SCMH1: variants seen among roughly 807,000 people sequenced by gnomAD.
SCMH1 encodes the protein Scm polycomb group protein homolog 1.
SCMH1 carries 37 observed loss-of-function variants against 70.8 expected under a neutral mutation model. The observed-to-expected ratio is 0.52, with a 90% CI of 0.40 to 0.69. SCMH1 has a LOEUF of 0.69. SCMH1 is among the 30% of genes least tolerant of loss of function. SCMH1 has a pLI of 0.00. For synonymous variants in SCMH1, 292 were observed against 307.4 expected (o/e 0.95, Z 0.52); for missense variants, 607 against 827.3 (o/e 0.73, Z 3.27).
chr1:41,186,496 C>G (rs1490665714), intron 1 of SCMH1, among the ~76,000 whole-genome samples: 1 of 152,104 alleles, frequency 6.6e-6, no homozygotes, highest in Non-Finnish European at 1.5e-5. Context: ...TGGTCCCATT[C>G]AAATACTAAA....
chr1:41,134,352 C>G lies in SCMH1; in HGVS notation c.412+8526G>C, dbSNP rs911913546. ...ATACTGAATGGGCAAAAACTGGAAG[C>G]ATTCCCTTTCAAAACTGGCACAAGA... is the stretch of plus-strand genomic sequence containing the variant. On this transcript the variant is annotated intron_variant, in intron 6 of 14. Coordinates refer to ENST00000337495, the Ensembl canonical transcript of SCMH1. 5.3e-5 allele frequency among the ~76,000 whole-genome samples: 8 copies of G among 152,192 alleles called. No individual in the cohort carries two copies. The East Asian group carries it at 5.8e-4, about 11-fold the overall frequency.
At chr1:41,175,224 T>C (rs1432529212) in intron 2 of SCMH1, among the ~76,000 whole-genome samples, 2 of 152,202 alleles carry the variant, frequency 1.3e-5, no homozygotes, top group East Asian at 1.9e-4. Flanking sequence ...AGGGTCCAAA[T>C]AGCACAAAAA....
intron 13 of SCMH1, among the ~76,000 whole-genome samples, chr1:41,033,761 G>A (rs1027514596): frequency 2.0e-5 from 3 of 152,178 alleles, no homozygotes; most frequent in African/African-American, 7.2e-5. Flanking sequence ...AGGGCCAGCC[G>A]AATGAATCTT....
intron 2 of SCMH1, among the ~76,000 whole-genome samples, chr1:41,182,676 A>T (rs1174383728): frequency 6.6e-6 from 1 of 152,128 alleles, no homozygotes; most frequent in Non-Finnish European, 1.5e-5. Context: ...ACGTCATTGC[A>T]CTCCAGCCTG....
chr1:41,064,824 A>C (rs1165158239), intron 10 of SCMH1, among the ~76,000 whole-genome samples: 1 of 152,094 alleles, frequency 6.6e-6, no homozygotes, highest in African/African-American at 2.4e-5. Flanking sequence ...TTGAGGCAGG[A>C]AGATCGCTTC....
At chr1:41,046,698 G>T in intron 11 of SCMH1, 100 bp from the exon 12 acceptor site, 1 of 903,356 alleles carries the variant, frequency 1.1e-6, no homozygotes, top group South Asian at 1.5e-5. Flanking sequence ...GGCTTACCTG[G>T]TTACACAAAG....
chr1:41,070,290 A>G (rs943752978), intron 10 of SCMH1, among the ~76,000 whole-genome samples: 2 of 151,950 alleles, frequency 1.3e-5, no homozygotes, highest in Admixed American at 6.6e-5. Context: ...TGCTGGGAGG[A>G]TTCTGGAAGG....
chr1:41,033,228 A>G (rs192046086), intron 13 of SCMH1, among the ~76,000 whole-genome samples: 2 of 151,814 alleles, frequency 1.3e-5, no homozygotes, highest in African/African-American at 2.4e-5. Flanking sequence ...TGAGGTTGCA[A>G]TGAGCCATGA....
chr1:41,113,504 T>C lies in SCMH1; in HGVS notation c.524A>G (p.Asn175Ser). 1 of 1,613,822 alleles carries C rather than the reference T, an allele frequency of 6.2e-7. No individual in the cohort carries two copies. Among genetic ancestry groups the C allele is most frequent in the Non-Finnish European group, 8.5e-7 (1 of 1,179,870 alleles). ...TAGCTTCATTCCCATTTTGAAGAAG[T>C]TGTGGGAAGGCGATGGTGGCTCCTA... Residue 175 changes from asparagine to serine, a missense_variant, in exon 8 of 15, where the codon AAC (asparagine) becomes AGC (serine). Asn to Ser is a conservative substitution (Grantham distance 46, BLOSUM62 1). Around this residue, in one of 3 missense-constraint regions of SCMH1, gnomAD observed 105 missense variants for 214.5 expected, o/e 0.49. Coordinates refer to ENST00000337495, the Ensembl canonical transcript of SCMH1. This position sits in a 1 kb window ranked among gnomAD's most constrained non-coding sequence, Gnocchi z 4.3.
At chr1:41,183,498 G>C (rs1649373982) in intron 2 of SCMH1, among the ~76,000 whole-genome samples, 1 of 151,960 alleles carries the variant, frequency 6.6e-6, no homozygotes, top group Non-Finnish European at 1.5e-5. Context: ...ATTCCTCACA[G>C]TCCAGGACAA....
At chr1:41,192,984 A>G (rs1054790596) in intron 1 of SCMH1, among the ~76,000 whole-genome samples, 2 of 152,212 alleles carry the variant, frequency 1.3e-5, no homozygotes, top group Admixed American at 6.5e-5. Flanking sequence ...TTATCATAGC[A>G]TTAAGGCAGA....
chr1:41,146,217 G>GT (rs1644547309), intron 5 of SCMH1, among the ~76,000 whole-genome samples: 2 of 148,454 alleles, frequency 1.3e-5, no homozygotes, highest in African/African-American at 5.0e-5. Context: ...AGTTTAAAAG[G>GT]TAAAAAAAAA....
Position 41,161,350 on chromosome 1 carries a change from T to A in SCMH1, c.82+14A>T, listed in dbSNP as rs1171933695. 1 of 1,546,448 alleles carries A rather than the reference T, an allele frequency of 6.5e-7. No individual in the cohort carries two copies. Among genetic ancestry groups the A allele is most frequent in the African/African-American group, 1.4e-5 (1 of 72,666 alleles). ...AAAATTTTTCCACACCAAACGGAGT[T>A]TTTTCCCCCTTACCTTGATATTGGG... On this transcript the variant is annotated intron_variant, in intron 3 of 14. Coordinates refer to ENST00000337495, the Ensembl canonical transcript of SCMH1.
At chr1:41,154,151 A>G (rs975374480) in intron 4 of SCMH1, among the ~76,000 whole-genome samples, 1 of 152,218 alleles carries the variant, frequency 6.6e-6, no homozygotes, top group African/African-American at 2.4e-5. Flanking sequence ...GGTATAAATC[A>G]TTGACTCTCA....
intron 2 of SCMH1, among the ~76,000 whole-genome samples, chr1:41,178,074 G>C (rs1647506090): frequency 6.6e-6 from 1 of 152,172 alleles, no homozygotes; most frequent in Non-Finnish European, 1.5e-5. Context: ...AGAGAGCAGG[G>C]ACCAATATTC....
intron 12 of SCMH1, among the ~76,000 whole-genome samples, chr1:41,045,305 C>T (rs1369469264): frequency 1.3e-5 from 2 of 152,130 alleles, no homozygotes; most frequent in Non-Finnish European, 2.9e-5. Context: ...GAAATGGCTG[C>T]AGGGATCAGA....
intron 1 of SCMH1, among the ~76,000 whole-genome samples, chr1:41,233,848 T>A (rs1661781278): frequency 6.6e-6 from 1 of 152,210 alleles, no homozygotes; most frequent in Admixed American, 6.5e-5. Context: ...TATAACTTAC[T>A]GCACAAGAGC....
intron 2 of SCMH1, among the ~76,000 whole-genome samples, chr1:41,177,212 AG>A (rs1647224935): frequency 1.3e-5 from 2 of 152,370 alleles, no homozygotes; most frequent in Non-Finnish European, 2.9e-5. Flanking sequence ...ACAAACAGAA[AG>A]GACATCCACA....
intron 6 of SCMH1, among the ~76,000 whole-genome samples, chr1:41,136,884 C>T (rs1643438072): frequency 6.6e-6 from 1 of 150,522 alleles, no homozygotes; most frequent in Non-Finnish European, 1.5e-5. Flanking sequence ...TGCAAGCAAT[C>T]CTTCTGCTTC....
Sources: gnomAD v4.1 joint callset for allele counts (sites outside exome capture counted in the v4.1 genomes callset) on GRCh38, gnomAD v4.1.1 for gene constraint, gnomAD v4.1.1 regional missense constraint, Gnocchi (gnomAD v3.1) non-coding constraint, MANE v1.5 for transcripts, NCBI Gene and HGNC (gene_info 2026-07-23, HGNC 2026-07-21) for gene names.